Variants in PPFIBP1 observed in about 807,000 individuals in gnomAD.
PPFIBP1 encodes PPFIB scaffold protein 1, also known as liprin-beta-1.
Under a neutral mutation model 137.8 loss-of-function variants are expected in PPFIBP1, and 112 were observed. The observed-to-expected ratio is 0.81, with a 90% CI of 0.70 to 0.95. The LOEUF is 0.95. Ranked by LOEUF, PPFIBP1 falls within the 40% of genes least tolerant of loss-of-function variation. The pLI is 0.00. For missense variants in PPFIBP1, 1,083 were observed against 1,196.6 expected (o/e 0.91, Z 1.40); for synonymous variants, 378 against 417.3 (o/e 0.91, Z 1.15).
At chr12:27,615,394 G>A (rs887179095) in intron 2 of PPFIBP1, among the ~76,000 whole-genome samples, 8 of 152,178 alleles carry the variant, frequency 5.3e-5, no homozygotes, top group Non-Finnish European at 1.0e-4. Flanking sequence ...ACCCAACAGA[G>A]GGGTGGGTGG....
rs371765667 is a variant in PPFIBP1 at position 27,669,571 on chromosome 12, GA to G, written c.1147-1855del. On this transcript the variant is annotated intron_variant, in intron 13 of 29. Coordinates refer to ENST00000228425, the MANE Select transcript of PPFIBP1 (RefSeq NM_003622.4). ...GTTTGGAGTTAAAGTCTTAAAGTTT[GA>G]AAAAGATCAAGAAAATTGATCTGTT... 4.3e-3 allele frequency among the ~76,000 whole-genome samples: 655 copies of G among 152,230 alleles called. 4 individuals carry two copies. The highest frequency in any genetic ancestry group is 0.017 in the Middle Eastern group (5 of 294).
chr12:27,595,260 A>G (rs1241257281), intron 2 of PPFIBP1, among the ~76,000 whole-genome samples: 1 of 152,152 alleles, frequency 6.6e-6, no homozygotes, highest in African/African-American at 2.4e-5. Context: ...AAACACACAC[A>G]CGCGCATACA....
At chr12:27,649,754 C>T (rs2058760005) in intron 6 of PPFIBP1, among the ~76,000 whole-genome samples, 2 of 152,072 alleles carry the variant, frequency 1.3e-5, no homozygotes, top group South Asian at 4.1e-4. Flanking sequence ...TTTCACCATA[C>T]TGTCCAGGCT....
intron 2 of PPFIBP1, among the ~76,000 whole-genome samples, chr12:27,624,762 T>C (rs980758747): frequency 6.6e-6 from 1 of 152,198 alleles, no homozygotes; most frequent in African/African-American, 2.4e-5. Context: ...CATGTGTGTG[T>C]TTGTATTTGT....
chr12:27,692,134 C>T lies in PPFIBP1; in HGVS notation c.2865+206C>T, dbSNP rs150475166. Among the ~76,000 whole-genome samples the T allele has an allele frequency of 3.3e-5, 5 of 152,284 alleles. No homozygotes were observed. The East Asian group carries it at 5.8e-4, about 18-fold the overall frequency. The stretch of plus-strand genomic sequence containing the variant: ...TACTATGTTTATGGTAACCTTAAGA[C>T]ATGGAGAGCATTGTTATTCTCATTT... On this transcript the variant is annotated intron_variant, in intron 28 of 29. Coordinates refer to ENST00000228425, the MANE Select transcript of PPFIBP1 (RefSeq NM_003622.4).
intron 13 of PPFIBP1, among the ~76,000 whole-genome samples, chr12:27,669,449 A>G (rs1339754370): frequency 6.6e-6 from 1 of 152,174 alleles, no homozygotes; most frequent in African/African-American, 2.4e-5. Flanking sequence ...AGTCTTTGCT[A>G]TGTGAATTGT....
intron 2 of PPFIBP1, among the ~76,000 whole-genome samples, chr12:27,588,482 A>G (rs2052063247): frequency 6.6e-6 from 1 of 152,220 alleles, no homozygotes; most frequent in Non-Finnish European, 1.5e-5. Context: ...AAGACGCATG[A>G]CAGAAGGATC....
intron 1 of PPFIBP1, among the ~76,000 whole-genome samples, chr12:27,550,595 G>A (rs1429781487): frequency 1.3e-5 from 2 of 152,152 alleles, no homozygotes; most frequent in African/African-American, 4.8e-5. Flanking sequence ...CAGTTTTACA[G>A]AGATTAAATA....
chr12:27,530,767 C>T (rs59176058), intron 1 of PPFIBP1, among the ~76,000 whole-genome samples: 25,417 of 152,134 alleles, frequency 0.17, 2,381 homozygotes, highest in Middle Eastern at 0.26. Context: ...CCCCGTTCCC[C>T]AAAGCTCTTA....
chr12:27,682,840 G>A lies in PPFIBP1; in HGVS notation c.2247+137G>A, dbSNP rs138803374. Reference sequence around the variant, plus strand: ...CTGTTGCTTGAACTTGAGGAGAGTGGCAGGCATATTTCCCATGAGGCTGAA... The same window carrying A: ...CTGTTGCTTGAACTTGAGGAGAGTGACAGGCATATTTCCCATGAGGCTGAA... On this transcript the variant is annotated intron_variant, in intron 24 of 29. Coordinates refer to ENST00000228425, the MANE Select transcript of PPFIBP1 (RefSeq NM_003622.4). The A allele has an allele frequency of 4.2e-3, 5,922 of 1,406,688 alleles. 29 individuals are homozygous for A. The highest frequency in any genetic ancestry group is 5.1e-3 in the Non-Finnish European group (5,353 of 1,043,800). The allele number at this position is 1,406,688 out of a possible 1,614,324, so 87.1% of individuals were successfully genotyped here. A position where few individuals can be genotyped will look rare whatever the true frequency, so the allele number is the denominator to read the frequency against.
chr12:27,596,274 C>G (rs142323070), intron 2 of PPFIBP1, among the ~76,000 whole-genome samples: 20 of 152,262 alleles, frequency 1.3e-4, no homozygotes, highest in Non-Finnish European at 2.2e-4. Context: ...ACTTTTTTCA[C>G]TGTAGAACTG....
At chr12:27,559,872 C>A (rs2049018679) in intron 1 of PPFIBP1, among the ~76,000 whole-genome samples, 1 of 152,220 alleles carries the variant, frequency 6.6e-6, no homozygotes, top group South Asian at 2.1e-4. Context: ...GGTAAGTTGA[C>A]ATTTTCTAGA....
At chr12:27,539,657 G>C (rs75379670) in intron 1 of PPFIBP1, among the ~76,000 whole-genome samples, 1 of 152,086 alleles carries the variant, frequency 6.6e-6, no homozygotes, top group Non-Finnish European at 1.5e-5. Context: ...CTAGCTGCTG[G>C]ATTTCCATCT....
In PPFIBP1 at chr12:27,693,034, G is replaced by A; in HGVS notation, c.*152G>A. 1.6e-6 allele frequency: 2 copies of A among 1,279,248 alleles called. No homozygotes were observed. Among genetic ancestry groups the A allele is most frequent in the South Asian group, 1.8e-5 (1 of 54,524 alleles). The allele number at this position is 1,279,248 out of a possible 1,614,324, so 79.2% of individuals were successfully genotyped here. ...AGTTTAAACAGAAAGCAGGAGTAAT[G>A]TGCCGATTCTGAAGTTGCCACAAAA... On this transcript the variant is annotated 3_prime_UTR_variant, in exon 30 of 30. Transcript: ENST00000228425.
chr12:27,593,808 C>T, intron 2 of PPFIBP1: 2 of 1,158,892 alleles, frequency 1.7e-6, no homozygotes, highest in Non-Finnish European at 2.4e-6. Context: ...TCTGGTTCGT[C>T]CTGAATTTGG....
At chr12:27,646,955 A>G (rs10842964) in intron 5 of PPFIBP1, among the ~76,000 whole-genome samples, 87,316 of 152,044 alleles carry the variant, frequency 0.57, 27,057 homozygotes, top group South Asian at 0.78. Context: ...CACATCTATG[A>G]TCTGTGTCAT....
At chr12:27,585,616 G>A (rs1478352533) in intron 2 of PPFIBP1, among the ~76,000 whole-genome samples, 1 of 152,218 alleles carries the variant, frequency 6.6e-6, no homozygotes, top group Non-Finnish European at 1.5e-5. Context: ...TCTAGTGGGA[G>A]GGAAAGACAT....
chr12:27,670,646 C>T lies in PPFIBP1; in HGVS notation c.1147-785C>T, dbSNP rs190133495. On this transcript the variant is annotated intron_variant, in intron 13 of 29. Coordinates refer to ENST00000228425, the MANE Select transcript of PPFIBP1 (RefSeq NM_003622.4). Reference sequence around the variant, plus strand: ...TTTAAACATTAGCCAGCTGTGGTGGCGCACGCCTGTAGTCCCAACTACTTG... The same window carrying T: ...TTTAAACATTAGCCAGCTGTGGTGGTGCACGCCTGTAGTCCCAACTACTTG... Among the ~76,000 whole-genome samples the T allele has an allele frequency of 3.0e-3, 457 of 152,068 alleles. 7 individuals carry two copies. The highest frequency in any genetic ancestry group is 1.2e-3 in the East Asian group (6 of 5,178).
At chr12:27,528,711 A>G (rs1302251545) in intron 1 of PPFIBP1, among the ~76,000 whole-genome samples, 1 of 152,202 alleles carries the variant, frequency 6.6e-6, no homozygotes, top group Non-Finnish European at 1.5e-5. Flanking sequence ...CTAACATACC[A>G]GACAACTGGA....
Sources: gnomAD v4.1 joint callset for allele counts (sites outside exome capture counted in the v4.1 genomes callset) on GRCh38, gnomAD v4.1.1 for gene constraint, MANE v1.5 for transcripts, NCBI Gene and HGNC (gene_info 2026-07-23, HGNC 2026-07-21) for gene names.